CSGALNACT1: variants seen among roughly 807,000 people sequenced by gnomAD.
CSGALNACT1 encodes the protein chondroitin sulfate N-acetylgalactosaminyltransferase 1.
In CSGALNACT1, 52 loss-of-function variants were observed where a neutral mutation model predicts 51.0. The observed-to-expected ratio is 1.02, with a 90% CI of 0.82 to 1.29. The LOEUF is 1.29. CSGALNACT1 is among the 50% of genes most tolerant of loss of function. The probability of loss-of-function intolerance (pLI) is 0.00; values close to 1 mark genes in which losing one functional copy is unlikely to be tolerated. For synonymous variants in CSGALNACT1, 341 were observed against 254.4 expected, an observed-to-expected ratio of 1.34 and a Z score of -3.24; for missense variants, 935 against 679.2, an observed-to-expected ratio of 1.38 and a Z score of -4.19.
chr8:19,693,473 G>A (rs1257333857), intron 1 of CSGALNACT1, among the ~76,000 whole-genome samples: 2 of 152,054 alleles, frequency 1.3e-5, no homozygotes, highest in East Asian at 3.9e-4. Context: ...AAAGATCTTT[G>A]TAACTAAGTA....
At chr8:19,656,045 G>C (rs2058245540) in intron 1 of CSGALNACT1, among the ~76,000 whole-genome samples, 1 of 152,016 alleles carries the variant, frequency 6.6e-6, no homozygotes, top group African/African-American at 2.4e-5. Context: ...ATGGAAGGGG[G>C]TACATCACAA....
chr8:19,699,644 C>T (rs1462748604), intron 1 of CSGALNACT1, among the ~76,000 whole-genome samples: 13 of 152,166 alleles, frequency 8.5e-5, no homozygotes, highest in Admixed American at 1.3e-4. Flanking sequence ...TAATGAGGAA[C>T]AGGAGTTCTT....
rs371675278 is a variant in CSGALNACT1, at chr8:19,456,514, A to G, written c.851+1912T>C. 1.4e-4 allele frequency among the ~76,000 whole-genome samples: 22 copies of G among 152,364 alleles called. No homozygotes were observed. The East Asian group carries it at 3.5e-3, about 24-fold the overall frequency. ...TTCAGGTTCAACAACTGCATTCAGA[A>G]CGCCGCAGGTTCAGTCATTCTGGAG... On this transcript the variant is annotated intron_variant, in intron 5 of 9. Transcript: ENST00000454498.
intron 4 of CSGALNACT1, among the ~76,000 whole-genome samples, chr8:19,475,236 C>G (rs935156243): frequency 2.0e-5 from 3 of 152,162 alleles, no homozygotes; most frequent in Middle Eastern, 3.4e-3. Context: ...ATGCAGAAGC[C>G]GAGAAAGTCT....
At chr8:19,579,550 T>A (rs1415920348) in intron 3 of CSGALNACT1, among the ~76,000 whole-genome samples, 1 of 152,210 alleles carries the variant, frequency 6.6e-6, no homozygotes, top group African/African-American at 2.4e-5. Flanking sequence ...AAATGTAGAT[T>A]TAAGTAGAGA....
chr8:19,681,160 T>C (rs745490862), intron 1 of CSGALNACT1, among the ~76,000 whole-genome samples: 2 of 152,030 alleles, frequency 1.3e-5, no homozygotes, highest in Non-Finnish European at 2.9e-5. Context: ...CTCATTGGGA[T>C]ACTAGGAAAG....
intron 3 of CSGALNACT1, among the ~76,000 whole-genome samples, chr8:19,585,743 A>G (rs1346519274): frequency 6.6e-6 from 1 of 152,188 alleles, no homozygotes; most frequent in African/African-American, 2.4e-5. Context: ...ACCCATACAA[A>G]GAACGTTTCT....
At chr8:19,522,515 C>T (rs1450663646) in intron 3 of CSGALNACT1, among the ~76,000 whole-genome samples, 1 of 152,132 alleles carries the variant, frequency 6.6e-6, no homozygotes, top group Non-Finnish European at 1.5e-5. Flanking sequence ...TTTTAAAAGG[C>T]GATGTATGTA....
At chr8:19,466,450 G>T (rs73667662) in intron 4 of CSGALNACT1, among the ~76,000 whole-genome samples, 186 of 152,192 alleles carry the variant, frequency 1.2e-3, no homozygotes, top group African/African-American at 4.3e-3. Context: ...CACACATTCT[G>T]CTTACTCTGT....
At chr8:19,685,413 T>C (rs879444313), upstream of CSGALNACT1, among the ~76,000 whole-genome samples, 14 of 152,164 alleles carry the variant, frequency 9.2e-5, no homozygotes, top group Admixed American at 9.2e-4. Flanking sequence ...GATGGGAGGA[T>C]TGCCAGAGGC....
intron 1 of CSGALNACT1, among the ~76,000 whole-genome samples, chr8:19,610,880 CGGCAAAACTAAAAGA>C (rs2052156875): frequency 1.3e-5 from 2 of 152,246 alleles, no homozygotes; most frequent in South Asian, 4.1e-4. Context: ...CGCCTACAGA[CGGCAAAACTAAAAGA>C]GCACATGGTA....
At position 19,723,750 on chromosome 8, in the gene CSGALNACT1, C is replaced by T. The variant is rs1027531695; in HGVS notation, c.-297+34100G>A. Among the ~76,000 whole-genome samples the T allele has an allele frequency of 6.6e-5, 10 of 152,152 alleles. No homozygotes were observed. In the South Asian group the frequency reaches 1.0e-3, roughly 16 times the overall value. On this transcript the variant is annotated intron_variant, in intron 1 of 1. Coordinates refer to the CSGALNACT1 transcript ENST00000517494. ...GATACATTGCACCATTTGATGGTACCGTACATGAGAAAATGCTAAAAACAC... is the reference window on the plus strand; with the variant it reads ...GATACATTGCACCATTTGATGGTACTGTACATGAGAAAATGCTAAAAACAC...
chr8:19,678,662 C>A (rs964773668), intron 1 of CSGALNACT1: 5 of 152,194 alleles, frequency 3.3e-5, no homozygotes, highest in Non-Finnish European at 5.9e-5. Context: ...ACAACTAGAT[C>A]CTGCAATGTA....
chr8:19,647,155 AG>A (rs1461758615), intron 1 of CSGALNACT1, among the ~76,000 whole-genome samples: 1 of 152,078 alleles, frequency 6.6e-6, no homozygotes, highest in African/African-American at 2.4e-5. Flanking sequence ...AGGCTGGGAG[AG>A]GTTAGCTGAC....
At position 19,505,622 on chromosome 8, in the gene CSGALNACT1, G is replaced by T. The variant is rs762057370; in HGVS notation, c.213C>A (p.Tyr71Ter). 6.2e-7 allele frequency: 1 copy of T among 1,614,110 alleles called. No individual in the cohort carries two copies. Among genetic ancestry groups the T allele is most frequent in the South Asian group, 1.1e-5 (1 of 91,082 alleles). Residue 71 changes from tyrosine (Y) to a stop codon, truncating the protein, a stop_gained, in exon 4 of 10, where the codon TAC becomes TAA. Coordinates refer to ENST00000454498, the Ensembl canonical transcript of CSGALNACT1. LOFTEE classifies it high-confidence loss of function. ...CGATCTGCCGCTTCAGGCTGCTCAC[G>T]TAGTTGCGGTGCTGCTCCTCCCACT...
At chr8:19,615,090 G>C (rs1294921051) in intron 1 of CSGALNACT1, among the ~76,000 whole-genome samples, 1 of 152,196 alleles carries the variant, frequency 6.6e-6, no homozygotes, top group Non-Finnish European at 1.5e-5. Context: ...GGGTATTTGA[G>C]GTCAGGAGTT....
rs1277531900 is a variant in CSGALNACT1 at position 19,710,907 on chromosome 8, G to A, written c.-297+46943C>T. On this transcript the variant is annotated intron_variant, in intron 1 of 1. Transcript: ENST00000517494. ...TTCTTTATTCGATTGCATCACTACC[G>A]TATGCTCCTCTCTGATTTTTTTTTT... is the stretch of plus-strand genomic sequence containing the variant. Among the ~76,000 whole-genome samples, 15 of 151,854 alleles carry A rather than the reference G, an allele frequency of 9.9e-5. No homozygotes were observed. The East Asian group carries it at 1.9e-3, about 20-fold the overall frequency.
chr8:19,692,105 G>C (rs564662711), intron 1 of CSGALNACT1, among the ~76,000 whole-genome samples: 1 of 152,196 alleles, frequency 6.6e-6, no homozygotes, highest in African/African-American at 2.4e-5. Context: ...GATATCCTGA[G>C]AACTCACTCA....
At chr8:19,575,958 T>C (rs1477884772) in intron 3 of CSGALNACT1, among the ~76,000 whole-genome samples, 1 of 152,066 alleles carries the variant, frequency 6.6e-6, no homozygotes, top group Non-Finnish European at 1.5e-5. Flanking sequence ...CACATTTCAA[T>C]CTTATGCCCA....
Sources: allele counts gnomAD v4.1 joint callset (sites outside exome capture counted in the v4.1 genomes callset), GRCh38; gene constraint gnomAD v4.1.1; transcripts MANE v1.5; gene names NCBI Gene and HGNC (gene_info 2026-07-23, HGNC 2026-07-21).